SLC60A2: variants seen among roughly 807,000 people sequenced by gnomAD.
The protein encoded by SLC60A2 is major facilitator superfamily domain containing 4B.
the SLC60A2 span, chr6:111,266,846 G>A: frequency 1.2e-6 from 2 of 1,613,936 alleles, no homozygotes; most frequent in Non-Finnish European, 1.7e-6. Flanking sequence ...AGAAAGCTCT[G>A]CTCTCTAGCT....
the SLC60A2 span, among the ~76,000 whole-genome samples, chr6:111,260,553 A>G: frequency 6.6e-6 from 1 of 152,220 alleles, no homozygotes; most frequent in Non-Finnish European, 1.5e-5. Flanking sequence ...GGGCAAGCCT[A>G]GAGGCGCCTT....
chr6:111,269,338 T>A, the SLC60A2 span: 1 of 152,546 alleles, frequency 6.6e-6, no homozygotes, highest in South Asian at 2.1e-4. Flanking sequence ...TAGCTGGGAT[T>A]ACAGGCATGC....
chr6:111,276,780 C>T, the SLC60A2 span, among the ~76,000 whole-genome samples: 2 of 152,214 alleles, frequency 1.3e-5, no homozygotes. Flanking sequence ...ATGGGCTGCT[C>T]TCTGCCTCTC....
the SLC60A2 span, chr6:111,278,441 A>G: frequency 6.6e-6 from 1 of 152,090 alleles, no homozygotes; most frequent in African/African-American, 2.4e-5. Context: ...TCTGATGGTG[A>G]TTGATATAGT....
chr6:111,264,785 C>A, the SLC60A2 span, among the ~76,000 whole-genome samples: 1 of 82,818 alleles, frequency 1.2e-5, no homozygotes, highest in Non-Finnish European at 3.1e-5. Context: ...GAGACTCCAT[C>A]TCAAAAAAAA....
At chr6:111,265,388 C>G in the SLC60A2 span, 2 of 985,290 alleles carry the variant, frequency 2.0e-6, no homozygotes, top group Non-Finnish European at 2.4e-6. Flanking sequence ...TACCAGAATC[C>G]TGGCTATTCA....
the SLC60A2 span, among the ~76,000 whole-genome samples, chr6:111,273,496 G>GGT: frequency 9.1e-6 from 1 of 109,866 alleles, no homozygotes. Context: ...TGAGATTTGT[G>GGT]TTTTTTTTTT....
At chr6:111,262,159 C>A in the SLC60A2 span, 1 of 955,684 alleles carries the variant, frequency 1.0e-6, no homozygotes, top group Non-Finnish European at 1.6e-6. Flanking sequence ...ATCCCAGACC[C>A]TCCGCCCCCC....
At chr6:111,262,705 A>T in the SLC60A2 span, among the ~76,000 whole-genome samples, 1 of 152,156 alleles carries the variant, frequency 6.6e-6, no homozygotes, top group Non-Finnish European at 1.5e-5. Context: ...CCTGGATCAC[A>T]CACTGGTTGT....
chr6:111,266,214 G>GA, the SLC60A2 span: 1 of 1,613,938 alleles, frequency 6.2e-7, no homozygotes, highest in Non-Finnish European at 8.5e-7. Context: ...AAGAGCATCT[G>GA]CTGAGACATT....
At chr6:111,268,668 G>A in the SLC60A2 span, 2 of 152,288 alleles carry the variant, frequency 1.3e-5, no homozygotes, top group East Asian at 1.9e-4. Context: ...AGCCTTGCTC[G>A]AGATTAGCTC....
At chr6:111,262,291 A>G in the SLC60A2 span, 1 of 1,614,144 alleles carries the variant, frequency 6.2e-7, no homozygotes, top group Non-Finnish European at 8.5e-7. Flanking sequence ...CCCACGTTTC[A>G]AGATTTGGCA....
the SLC60A2 span, among the ~76,000 whole-genome samples, chr6:111,276,393 G>A: frequency 6.6e-6 from 1 of 152,142 alleles, no homozygotes; most frequent in African/African-American, 2.4e-5. Context: ...CCAGAAGAGA[G>A]TAGCTTTAGG....
chr6:111,263,606 A>C, the SLC60A2 span, among the ~76,000 whole-genome samples: 1 of 152,226 alleles, frequency 6.6e-6, no homozygotes, highest in African/African-American at 2.4e-5. Flanking sequence ...TTTGATTACT[A>C]GCAGTGCTTT....
chr6:111,276,149 A>T, the SLC60A2 span, among the ~76,000 whole-genome samples: 1 of 152,190 alleles, frequency 6.6e-6, no homozygotes, highest in South Asian at 2.1e-4. Flanking sequence ...GTATATACAT[A>T]CTATATTTTG....
chr6:111,266,386 G>C, the SLC60A2 span: 1 of 1,614,098 alleles, frequency 6.2e-7, no homozygotes, highest in Non-Finnish European at 8.5e-7. Flanking sequence ...TCCATCTTCT[G>C]GGGGACATTT....
chr6:111,259,911 CTTTT>C, the SLC60A2 span, among the ~76,000 whole-genome samples: 3 of 121,170 alleles, frequency 2.5e-5, no homozygotes, highest in Non-Finnish European at 3.3e-5. Flanking sequence ...CTCCAGCAAG[CTTTT>C]TTTTTTTTTT....
chr6:111,272,069 C>T, the SLC60A2 span, among the ~76,000 whole-genome samples: 7 of 152,298 alleles, frequency 4.6e-5, no homozygotes, highest in East Asian at 3.9e-4. Context: ...GTGGCCTGAT[C>T]GCAGCTCACT....
At chr6:111,274,582 T>G in the SLC60A2 span, among the ~76,000 whole-genome samples, 1 of 112,732 alleles carries the variant, frequency 8.9e-6, no homozygotes, top group Non-Finnish European at 1.9e-5. Context: ...GATTGCTTTG[T>G]ATATCCTTTG....
Sources: allele counts gnomAD v4.1 joint callset (sites outside exome capture counted in the v4.1 genomes callset), GRCh38; gene constraint gnomAD v4.1.1; transcripts MANE v1.5; gene names NCBI Gene and HGNC (gene_info 2026-07-23, HGNC 2026-07-21).